The following ERAP1 variants were observed in gnomAD, a reference collection of about 807,000 sequenced individuals.
The protein encoded by ERAP1 is adipocyte-derived leucine aminopeptidase.
ERAP1 carries 86 observed loss-of-function variants against 103.7 expected under a neutral mutation model. The observed-to-expected ratio is 0.83, with a 90% CI of 0.70 to 0.99. The LOEUF (loss-of-function observed/expected upper bound fraction) is 0.99, where lower values mean the gene tolerates loss of function less well. Among genes scored for constraint, ERAP1 ranks in the 50% least tolerant of loss-of-function variants. The probability of loss-of-function intolerance (pLI) is 0.00; values close to 1 mark genes in which losing one functional copy is unlikely to be tolerated. For synonymous variants in ERAP1, 398 were observed against 402.4 expected, an observed-to-expected ratio of 0.99 and a Z score of 0.13; for missense variants, 1,009 against 1,128.4, an observed-to-expected ratio of 0.89 and a Z score of 1.52.
chr5:96,850,060 T>G, the ERAP1 span, among the ~76,000 whole-genome samples: 62 of 152,272 alleles, frequency 4.1e-4, no homozygotes, highest in Non-Finnish European at 7.5e-4. Context: ...AAAAATGAAA[T>G]TTTAACCTTA....
At chr5:96,799,176 A>T (rs1469156309) in intron 3 of ERAP1, among the ~76,000 whole-genome samples, 1 of 152,036 alleles carries the variant, frequency 6.6e-6, no homozygotes, top group African/African-American at 2.4e-5. Context: ...AAAAATTTCC[A>T]TTCTCGAGTT....
intron 5 of ERAP1, among the ~76,000 whole-genome samples, chr5:96,794,234 G>A (rs960212530): frequency 8.7e-4 from 114 of 130,768 alleles, no homozygotes; most frequent in African/African-American, 3.1e-3. Flanking sequence ...CCATACTGGA[G>A]TGCATTTGCA....
the ERAP1 span, among the ~76,000 whole-genome samples, chr5:96,828,775 AT>A: frequency 1.3e-5 from 2 of 152,216 alleles, no homozygotes; most frequent in Non-Finnish European, 2.9e-5. Flanking sequence ...TCAGAAAAAA[AT>A]ATATAGATTT....
chr5:96,923,555 G>C, the ERAP1 span, among the ~76,000 whole-genome samples: 2 of 151,682 alleles, frequency 1.3e-5, no homozygotes, highest in East Asian at 3.9e-4. Context: ...TTAGCCGGGC[G>C]CAGTGGCGGG....
At chr5:96,930,827 C>T in the ERAP1 span, among the ~76,000 whole-genome samples, 108 of 152,260 alleles carry the variant, frequency 7.1e-4, 1 homozygote, top group African/African-American at 2.5e-3. Context: ...AAAACAGTTT[C>T]CCTAGACAAG....
intron 3 of ERAP1, 37 bp from the exon 4 acceptor site, chr5:96,797,346 A>AT (rs749934190): frequency 3.1e-6 from 5 of 1,603,492 alleles, no homozygotes; most frequent in Non-Finnish European, 3.4e-6. Flanking sequence ...AAGTAATCCA[A>AT]TTATCCAATA....
At chr5:96,876,193 C>T in the ERAP1 span, 12 of 152,490 alleles carry the variant, frequency 7.9e-5, no homozygotes, top group African/African-American at 2.6e-4. Flanking sequence ...CCTAAGACAA[C>T]AACTTGGCAC....
In ERAP1 at chr5:96,793,811, CCAGTTCATGGG is replaced by C. The variant is rs1444370332; in HGVS notation, c.1055_1065del (p.Ala352GlyfsTer16). On this transcript the variant is annotated frameshift_variant, in exon 6 of 19. Transcript: ENST00000443439. LOFTEE classifies it high-confidence loss of function. ...TGTGAATGAGCTTATACCTGGTGAGCCAGTTCATGGGCCACAGTCATTGTGATGCCAAGCTT... is the reference window on the plus strand; with the variant it reads ...TGTGAATGAGCTTATACCTGGTGAGCCCACAGTCATTGTGATGCCAAGCTT... 15 of 1,613,300 alleles carry C rather than the reference CCAGTTCATGGG, an allele frequency of 9.3e-6. No individual in the cohort carries two copies. Among genetic ancestry groups the C allele is most frequent in the Non-Finnish European group, 1.3e-5 (15 of 1,179,494 alleles).
chr5:96,844,800 C>T, the ERAP1 span, among the ~76,000 whole-genome samples: 1 of 152,178 alleles, frequency 6.6e-6, no homozygotes, highest in Non-Finnish European at 1.5e-5. Flanking sequence ...CCTCCTTTGG[C>T]GAGAATTGCT....
At chr5:96,834,302 G>A in the ERAP1 span, among the ~76,000 whole-genome samples, 2 of 152,066 alleles carry the variant, frequency 1.3e-5, no homozygotes, top group South Asian at 2.1e-4. Context: ...CAGCAGAAGG[G>A]GTCCTATTCC....
upstream of ERAP1, among the ~76,000 whole-genome samples, chr5:96,808,488 T>C (rs930674474): frequency 1.6e-4 from 25 of 151,902 alleles, no homozygotes; most frequent in Non-Finnish European, 2.9e-5. Context: ...GAAAGAAACA[T>C]GAACCCAGTA....
At chr5:96,778,072 A>G (rs1237020753) in intron 18 of ERAP1, among the ~76,000 whole-genome samples, 2 of 152,248 alleles carry the variant, frequency 1.3e-5, no homozygotes, top group South Asian at 2.1e-4. Context: ...TAATGCAGGT[A>G]AAGTGCAAAG....
At chr5:96,806,264 A>C (rs112736522) in intron 1 of ERAP1, among the ~76,000 whole-genome samples, 241 of 152,252 alleles carry the variant, frequency 1.6e-3, no homozygotes, top group Non-Finnish European at 2.4e-3. Flanking sequence ...GGTTTTACTA[A>C]CAATTTTCTG....
At chr5:96,900,119 A>G in the ERAP1 span, 1 of 1,613,670 alleles carries the variant, frequency 6.2e-7, no homozygotes, top group Non-Finnish European at 8.5e-7. Context: ...CTTGTTTTGT[A>G]GAGTTGTTTA....
the ERAP1 span, among the ~76,000 whole-genome samples, chr5:96,858,438 C>T: frequency 6.6e-6 from 1 of 152,262 alleles, no homozygotes; most frequent in East Asian, 1.9e-4. Flanking sequence ...CTCAAGTGAT[C>T]TGCCTGCCTT....
At chr5:96,913,310 T>C in the ERAP1 span, 1 of 1,612,222 alleles carries the variant, frequency 6.2e-7, no homozygotes, top group Non-Finnish European at 8.5e-7. Context: ...TATTTTTCTT[T>C]CTTCAGGTTA....
chr5:96,915,723 T>C, the ERAP1 span: 12 of 1,598,860 alleles, frequency 7.5e-6, no homozygotes, highest in Non-Finnish European at 1.0e-5. Flanking sequence ...AGGATGATCA[T>C]CTCTGGCACA....
At chr5:96,815,664 G>T in the ERAP1 span, among the ~76,000 whole-genome samples, 1 of 151,838 alleles carries the variant, frequency 6.6e-6, no homozygotes, top group South Asian at 2.1e-4. Context: ...CACCCACCTC[G>T]GCCTCCCAAA....
At chr5:96,795,865 G>A (rs1219185068) in intron 4 of ERAP1, among the ~76,000 whole-genome samples, 4 of 152,010 alleles carry the variant, frequency 2.6e-5, no homozygotes, top group African/African-American at 4.8e-5. Context: ...CAGAAACAAC[G>A]AACCACAAAA....
Sources: gnomAD v4.1 joint callset for allele counts (sites outside exome capture counted in the v4.1 genomes callset) on GRCh38, gnomAD v4.1.1 for gene constraint, MANE v1.5 for transcripts, NCBI Gene and HGNC (gene_info 2026-07-23, HGNC 2026-07-21) for gene names.